The following COL24A1 variants were observed in gnomAD, a reference collection of about 807,000 sequenced individuals.
COL24A1 encodes the protein collagen type XXIV alpha 1 chain.
A neutral mutation model predicts 253.9 loss-of-function variants in COL24A1; 224 were observed. The observed-to-expected ratio is 0.88, with a 90% CI of 0.79 to 0.99. The LOEUF (loss-of-function observed/expected upper bound fraction) is 0.99, where lower values mean the gene tolerates loss of function less well. Among genes scored for constraint, COL24A1 ranks in the 50% least tolerant of loss-of-function variants. COL24A1 has a pLI of 0.00. For missense variants in COL24A1, 2,131 were observed against 2,068.5 expected, an observed-to-expected ratio of 1.03 and a Z score of -0.59; for synonymous variants, 685 against 673.7, an observed-to-expected ratio of 1.02 and a Z score of -0.26.
chr1:85,778,027 A>ATCTATCTATCTATCTG lies in COL24A1; in HGVS notation c.4339-2319_4339-2318insCAGATAGATAGATAGA, dbSNP rs1186657582. On this transcript the variant is annotated intron_variant, in intron 52 of 59. Coordinates refer to ENST00000370571, the MANE Select transcript of COL24A1 (RefSeq NM_152890.7). ...TATGTGTGTATATGTCTCTATCTCT[A>ATCTATCTATCTATCTG]TCTATCTATCTATCTATCTATCTAT... Among the ~76,000 whole-genome samples, 106 of 140,184 alleles carry ATCTATCTATCTATCTG rather than the reference A, an allele frequency of 7.6e-4. No homozygotes were observed. The East Asian group carries it at 0.018, about 24-fold the overall frequency. The allele number at this position is 140,184 out of a possible 152,430, so 92.0% of individuals were successfully genotyped here.
chr1:86,032,283 G>T (rs917056844), intron 13 of COL24A1, among the ~76,000 whole-genome samples: 2 of 152,160 alleles, frequency 1.3e-5, no homozygotes, highest in Non-Finnish European at 2.9e-5. Flanking sequence ...TGGTCAGCAC[G>T]TAGGGTTAGA....
chr1:86,026,716 C>T (rs1438477006), intron 14 of COL24A1, among the ~76,000 whole-genome samples: 1 of 152,152 alleles, frequency 6.6e-6, no homozygotes, highest in African/African-American at 2.4e-5. Flanking sequence ...ATGGTTGCTG[C>T]TATAAAGATA....
intron 7 of COL24A1, among the ~76,000 whole-genome samples, chr1:86,078,241 A>C (rs112583392): frequency 0.069 from 10,532 of 152,290 alleles, 462 homozygotes; most frequent in Middle Eastern, 0.13. Context: ...CATTTGATAA[A>C]GTTCAACACC....
intron 7 of COL24A1, among the ~76,000 whole-genome samples, chr1:86,073,167 C>A (rs777582450): frequency 5.0e-4 from 76 of 152,062 alleles, no homozygotes; most frequent in Non-Finnish European, 2.6e-4. Context: ...TGGGTAATAA[C>A]AAACTCCTCC....
chr1:85,862,340 G>A (rs1280194022), intron 37 of COL24A1, among the ~76,000 whole-genome samples: 1 of 152,158 alleles, frequency 6.6e-6, no homozygotes, highest in Non-Finnish European at 1.5e-5. Flanking sequence ...TAGAATCACA[G>A]TCTGTAAGGC....
chr1:85,864,604 T>C (rs1031539876), intron 37 of COL24A1, among the ~76,000 whole-genome samples: 6 of 152,170 alleles, frequency 3.9e-5, no homozygotes, highest in African/African-American at 1.4e-4. Context: ...ATATATCTTA[T>C]CATTCTTTTC....
chr1:86,066,577 A>C (rs1701508152), intron 7 of COL24A1, among the ~76,000 whole-genome samples: 2 of 151,910 alleles, frequency 1.3e-5, no homozygotes, highest in Admixed American at 1.3e-4. Flanking sequence ...ACGCAATCCG[A>C]AGAGCCTAAG....
At chr1:85,920,738 ACT>A (rs1686367612) in intron 24 of COL24A1, among the ~76,000 whole-genome samples, 1 of 152,168 alleles carries the variant, frequency 6.6e-6, no homozygotes, top group African/African-American at 2.4e-5. Context: ...GAGAAAAGCC[ACT>A]GTTAGAGGAA....
At chr1:85,834,348 G>C (rs12760215) in intron 43 of COL24A1, among the ~76,000 whole-genome samples, 2 of 152,122 alleles carry the variant, frequency 1.3e-5, no homozygotes, top group South Asian at 4.1e-4. Context: ...GAAAGAAAGA[G>C]AGACAGAGGA....
chr1:85,793,580 C>A (rs1206343817), intron 47 of COL24A1, among the ~76,000 whole-genome samples: 2 of 152,084 alleles, frequency 1.3e-5, no homozygotes, highest in African/African-American at 4.8e-5. Context: ...GTGCCTCATC[C>A]TAAGTGTATT....
chr1:85,934,304 G>A (rs1688065662), intron 24 of COL24A1, among the ~76,000 whole-genome samples: 1 of 152,126 alleles, frequency 6.6e-6, no homozygotes, highest in Admixed American at 6.5e-5. Context: ...CACTTCAGAT[G>A]GAGGAATAGA....
chr1:85,840,713 T>G (rs532707934), intron 42 of COL24A1, among the ~76,000 whole-genome samples: 10 of 152,276 alleles, frequency 6.6e-5, no homozygotes, highest in Admixed American at 5.9e-4. Flanking sequence ...ACCATGGTTA[T>G]AGTTAACCCT....
chr1:85,793,535 T>C (rs560541751), intron 47 of COL24A1, among the ~76,000 whole-genome samples: 7 of 152,218 alleles, frequency 4.6e-5, no homozygotes, highest in African/African-American at 1.7e-4. Context: ...GCTGTGGACT[T>C]AGGATTCAGG....
At chr1:85,982,695 T>C (rs116042777) in intron 20 of COL24A1, among the ~76,000 whole-genome samples, 2,333 of 152,156 alleles carry the variant, frequency 0.015, 52 homozygotes, top group African/African-American at 0.053. Context: ...TGCCCAGTTA[T>C]TGTGCTTTTT....
At chr1:85,951,064 G>C (rs116357557) in intron 24 of COL24A1, among the ~76,000 whole-genome samples, 1 of 152,156 alleles carries the variant, frequency 6.6e-6, no homozygotes, top group African/African-American at 2.4e-5. Flanking sequence ...AGAATCTGTC[G>C]CATTTTCAGA....
chr1:86,013,169 AC>A (rs1297698380), intron 19 of COL24A1, among the ~76,000 whole-genome samples: 4 of 152,196 alleles, frequency 2.6e-5, no homozygotes, highest in African/African-American at 7.2e-5. Flanking sequence ...GAAGATGTTA[AC>A]CCCAAAATTC....
Position 86,022,262 on chromosome 1 carries a change from A to G in COL24A1, c.2234T>C (p.Met745Thr). 1 of 1,612,972 alleles carries G rather than the reference A, an allele frequency of 6.2e-7. No homozygotes were observed. The highest frequency in any genetic ancestry group is 8.5e-7 in the Non-Finnish European group (1 of 1,179,158). ...GAVGLPGPPG[M>T]RGKSGPSGQT... The stretch of plus-strand genomic sequence containing the variant: ...TACTGAAGGCCCTGACTTTCCTCTC[A>G]TCCCTGGTGGTCCTGGTAAACCAAC... The change falls in exon 18 of 60, where the codon ATG (methionine) becomes ACG (threonine). Residue 745 changes from methionine to threonine, a missense_variant. Transcript: ENST00000370571.
At chr1:85,953,686 C>T (rs924967904) in intron 24 of COL24A1, among the ~76,000 whole-genome samples, 4 of 152,178 alleles carry the variant, frequency 2.6e-5, no homozygotes, top group South Asian at 2.1e-4. Context: ...CATAAGTACA[C>T]GATGAAGAAA....
intron 10 of COL24A1, among the ~76,000 whole-genome samples, chr1:86,057,232 T>G (rs1240965816): frequency 6.6e-6 from 1 of 152,122 alleles, no homozygotes; most frequent in East Asian, 1.9e-4. Context: ...TCTCGCCTTG[T>G]GACATTGTCT....
Sources: gnomAD v4.1 joint callset for allele counts (sites outside exome capture counted in the v4.1 genomes callset) on GRCh38, gnomAD v4.1.1 for gene constraint, MANE v1.5 for transcripts, NCBI Gene and HGNC (gene_info 2026-07-23, HGNC 2026-07-21) for gene names.